Variants in NT5C2 observed in about 807,000 individuals in gnomAD.
NT5C2 encodes the protein 5'-nucleotidase, cytosolic II.
Under a neutral mutation model 76.1 loss-of-function variants are expected in NT5C2, and 58 were observed. The ratio of observed to expected loss-of-function variants is 0.76; its 90% CI spans 0.62 to 0.95. NT5C2 has a LOEUF of 0.95. NT5C2 is among the 40% of genes least tolerant of loss of function. The pLI is 0.00. For missense variants in NT5C2, 478 were observed against 690.3 expected (o/e 0.69, Z 3.45); for synonymous variants, 229 against 237.4 (o/e 0.96, Z 0.32).
chr10:103,101,560 G>A (rs1449924604), intron 6 of NT5C2, among the ~76,000 whole-genome samples: 1 of 148,700 alleles, frequency 6.7e-6, no homozygotes, highest in Admixed American at 6.7e-5. Flanking sequence ...AGTCCAGGCT[G>A]GACTCAAACT....
chr10:103,094,309 G>A (rs750954250), intron 13 of NT5C2, 39 bp downstream of exon 13: 6 of 1,306,550 alleles, frequency 4.6e-6, no homozygotes, highest in Non-Finnish European at 5.6e-6. Flanking sequence ...AAACATTAAG[G>A]ACAATGTGCT....
At chr10:103,123,469 C>A (rs1192568948) in intron 4 of NT5C2, among the ~76,000 whole-genome samples, 1 of 152,132 alleles carries the variant, frequency 6.6e-6, no homozygotes, top group Non-Finnish European at 1.5e-5. Flanking sequence ...GGGCTCACAG[C>A]CTCCCAAAGC....
chr10:103,108,637 T>C (rs751360006), intron 4 of NT5C2, among the ~76,000 whole-genome samples: 9 of 152,198 alleles, frequency 5.9e-5, no homozygotes, highest in Non-Finnish European at 1.0e-4. Flanking sequence ...TTAATGTATA[T>C]CTATTTTTAA....
Position 103,102,755 on chromosome 10 carries a change from G to C in NT5C2, c.390-1429C>G, listed in dbSNP as rs537248566. ...ACGATGAACAGAAATATGAAAACTA[G>C]ATAAGAAGTGATGTGAGAGTAGTTC... On this transcript the variant is annotated intron_variant, in intron 6 of 18. Transcript: ENST00000404739. 2.0e-5 allele frequency among the ~76,000 whole-genome samples: 3 copies of C among 150,596 alleles called. No individual in the cohort carries two copies. The South Asian group carries it at 6.5e-4, about 33-fold the overall frequency.
At chr10:103,098,884 G>T in intron 10 of NT5C2, 47 bp downstream of exon 10, 2 of 1,283,446 alleles carry the variant, frequency 1.6e-6, no homozygotes, top group Non-Finnish European at 2.2e-6. Context: ...TTCCCTAATA[G>T]GTAAAATGAG....
At chr10:103,189,038 TTGTACTA>T (rs67010072) in intron 1 of NT5C2, among the ~76,000 whole-genome samples, 46,716 of 150,996 alleles carry the variant, frequency 0.31, 7,339 homozygotes, top group Middle Eastern at 0.36. Context: ...AAGAGCCTGC[TTGTACTA>T]TGTGCTTGGA....
chr10:103,143,409 G>A (rs2080895566), intron 3 of NT5C2, among the ~76,000 whole-genome samples: 1 of 151,830 alleles, frequency 6.6e-6, no homozygotes, highest in African/African-American at 2.4e-5. Flanking sequence ...ATTTAAAAAT[G>A]CCTAATTTAT....
chr10:103,145,571 T>C (rs2081332501), intron 3 of NT5C2, among the ~76,000 whole-genome samples: 1 of 152,134 alleles, frequency 6.6e-6, no homozygotes, highest in African/African-American at 2.4e-5. Context: ...GTTCAAGAGC[T>C]TGAACATATC....
chr10:103,111,867 C>T, intron 4 of NT5C2: 1 of 1,059,214 alleles, frequency 9.4e-7, no homozygotes, highest in Non-Finnish European at 1.2e-6. Flanking sequence ...GGTTTTAAAA[C>T]TGTTGTGATG....
chr10:103,128,717 C>T (rs748914992), intron 4 of NT5C2, among the ~76,000 whole-genome samples: 1,112 of 39,390 alleles, frequency 0.028, 4 homozygotes, highest in South Asian at 0.051. Context: ...TCTGCCCCGC[C>T]GCCCCATCTG....
intron 14 of NT5C2, 43 bp downstream of exon 14, chr10:103,093,929 G>C (rs965259843): frequency 3.5e-6 from 5 of 1,425,898 alleles, no homozygotes; most frequent in Non-Finnish European, 5.0e-6. Flanking sequence ...TTCACTGTGA[G>C]GTCTGAGCAA....
At chr10:103,155,065 T>A (rs531906228) in intron 3 of NT5C2, among the ~76,000 whole-genome samples, 1 of 152,342 alleles carries the variant, frequency 6.6e-6, no homozygotes, top group East Asian at 1.9e-4. Flanking sequence ...CTAAAGATGA[T>A]TAGCTCTTTC....
At chr10:103,136,356 A>G (rs2079238149) in intron 4 of NT5C2, among the ~76,000 whole-genome samples, 6 of 152,218 alleles carry the variant, frequency 3.9e-5, no homozygotes, top group Admixed American at 3.9e-4. Flanking sequence ...GATAGTAGTA[A>G]CTGCTTCACA....
intron 3 of NT5C2, chr10:103,153,660 C>G (rs1319668497): frequency 1.0e-6 from 1 of 985,212 alleles, no homozygotes; most frequent in Non-Finnish European, 1.2e-6. Context: ...AAATTTACCC[C>G]CTAATGAGGC....
intron 1 of NT5C2, among the ~76,000 whole-genome samples, chr10:103,182,930 C>A (rs1407086153): frequency 3.3e-5 from 5 of 152,034 alleles, no homozygotes; most frequent in Non-Finnish European, 7.4e-5. Flanking sequence ...TAGTCCTTGG[C>A]AGATAAGCAA....
intron 1 of NT5C2, among the ~76,000 whole-genome samples, chr10:103,182,187 A>G (rs550978919): frequency 1.2e-4 from 19 of 152,308 alleles, no homozygotes; most frequent in Non-Finnish European, 2.5e-4. Flanking sequence ...GAGCACTTTA[A>G]CAATATGTAG....
chr10:103,159,591 GTGAGC>G, intron 3 of NT5C2, among the ~76,000 whole-genome samples: 1 of 151,310 alleles, frequency 6.6e-6, no homozygotes, highest in South Asian at 2.1e-4. Flanking sequence ...CAGGGTTACA[GTGAGC>G]TATGATCATG....
At chr10:103,090,035 A>G (rs1470358870) in intron 18 of NT5C2, 127 bp from the exon 19 acceptor site, 1 of 627,744 alleles carries the variant, frequency 1.6e-6, no homozygotes. Flanking sequence ...GGACAAGTCA[A>G]TATAGACTTA....
At chr10:103,169,828 TTTAA>T (rs896722053) in intron 3 of NT5C2, among the ~76,000 whole-genome samples, 7 of 151,808 alleles carry the variant, frequency 4.6e-5, no homozygotes, top group Admixed American at 4.6e-4. Context: ...AAAAAAATTT[TTTAA>T]ATTACCAAGC....
Sources: allele counts gnomAD v4.1 joint callset (sites outside exome capture counted in the v4.1 genomes callset), GRCh38; gene constraint gnomAD v4.1.1; transcripts MANE v1.5; gene names NCBI Gene and HGNC (gene_info 2026-07-23, HGNC 2026-07-21).